The following NUP210 variants were observed in gnomAD, a reference collection of about 807,000 sequenced individuals.
The protein encoded by NUP210 is nucleoporin 210, also known as nuclear pore membrane glycoprotein 210.
NUP210 carries 151 observed loss-of-function variants against 196.0 expected under a neutral mutation model. The ratio of observed to expected loss-of-function variants is 0.77; its 90% CI spans 0.67 to 0.88. The LOEUF is 0.88. Among genes scored for constraint, NUP210 ranks in the 40% least tolerant of loss-of-function variants. The pLI, the probability that NUP210 is intolerant of heterozygous loss-of-function variation, is 0.00. For missense variants in NUP210, 2,314 were observed against 2,493.7 expected (o/e 0.93, Z 1.53); for synonymous variants, 1,070 against 1,052.7 (o/e 1.02, Z -0.32).
At chr3:13,371,102 T>C (rs1424277459) in intron 13 of NUP210, among the ~76,000 whole-genome samples, 5 of 152,254 alleles carry the variant, frequency 3.3e-5, no homozygotes, top group African/African-American at 1.2e-4. Context: ...TCACCTGTCC[T>C]TTGGTCTTCT....
chr3:13,331,479 C>T (rs1488147589), intron 29 of NUP210, among the ~76,000 whole-genome samples: 3 of 152,162 alleles, frequency 2.0e-5, no homozygotes, highest in Non-Finnish European at 4.4e-5. Flanking sequence ...TCAAGAACTG[C>T]AGCCCGAGCA....
chr3:13,371,400 C>T (rs572203324), intron 13 of NUP210, among the ~76,000 whole-genome samples: 1 of 152,340 alleles, frequency 6.6e-6, no homozygotes, highest in East Asian at 1.9e-4. Flanking sequence ...TAAACTATCA[C>T]AGTCAGACTC....
chr3:13,333,506 CTG>C (rs1697084781), intron 28 of NUP210, among the ~76,000 whole-genome samples: 1 of 152,244 alleles, frequency 6.6e-6, no homozygotes, highest in Non-Finnish European at 1.5e-5. Context: ...CCCAGCTCCT[CTG>C]TGCTCTGTCC....
chr3:13,336,092 G>C (rs1009642908), intron 27 of NUP210, among the ~76,000 whole-genome samples: 8 of 152,236 alleles, frequency 5.3e-5, no homozygotes, highest in African/African-American at 1.9e-4. Flanking sequence ...GGTGGGGTCG[G>C]GGGGCATTCG....
intron 6 of NUP210, among the ~76,000 whole-genome samples, chr3:13,380,710 A>G (rs1576402122): frequency 6.6e-6 from 1 of 152,222 alleles, no homozygotes. Context: ...CCCTCCTCTC[A>G]GGCCAGCTCA....
intron 1 of NUP210, among the ~76,000 whole-genome samples, chr3:13,406,872 G>A (rs1431672602): frequency 2.1e-5 from 3 of 144,940 alleles, no homozygotes; most frequent in Non-Finnish European, 3.0e-5. Flanking sequence ...CACATGGCAG[G>A]TTTCATAGTC....
chr3:13,369,790 TGA>T (rs1338222106), intron 13 of NUP210, among the ~76,000 whole-genome samples: 3 of 152,202 alleles, frequency 2.0e-5, no homozygotes, highest in South Asian at 2.1e-4. Context: ...AGCACCGTGT[TGA>T]GAGAGTTACA....
chr3:13,379,705 G>C lies in NUP210; in HGVS notation c.834C>G (p.Ser278=). The change falls in exon 7 of 40, where the codon TCC becomes TCG. Residue 278 remains serine, a synonymous_variant. Transcript: ENST00000254508. The surrounding 1 kb of genome is among the most constrained non-coding windows in gnomAD (Gnocchi z 4.2). The stretch of plus-strand genomic sequence containing the variant: ...TCTGAAGCTGCAACTCGTACTGATC[G>C]GAAGGCATGGAGAGTTCTGGCCACC... ...QGKITELSMP[S]DQYELQLQNS... 6.3e-7 allele frequency: 1 copy of C among 1,599,002 alleles called. No homozygotes were observed. Among genetic ancestry groups the C allele is most frequent in the Non-Finnish European group, 8.5e-7 (1 of 1,171,998 alleles).
intron 11 of NUP210, 38 bp downstream of exon 11, chr3:13,375,466 C>T (rs200375970): frequency 1.9e-6 from 3 of 1,586,212 alleles, no homozygotes; most frequent in Non-Finnish European, 2.6e-6. Context: ...CATGAAAACA[C>T]CAAAGGAATG....
At position 13,358,384 on chromosome 3, in the gene NUP210, C is replaced by G; in HGVS notation, c.2166G>C (p.Leu722=). ...TGAGGCTGGGCTTGTTCCCCACCGA[C>G]AGGGCGATGACCTGGTAGGGCACAG... ...CQALGEQVIA[L]SVGNKPSLTN... is the part of the protein sequence containing the mutation. The change falls in exon 16 of 40, where the codon CTG becomes CTC. Residue 722 remains leucine, a synonymous_variant. Coordinates refer to ENST00000254508, the MANE Select transcript of NUP210 (RefSeq NM_024923.4). The G allele has an allele frequency of 6.2e-7, 1 of 1,610,996 alleles. No individual in the cohort carries two copies. The highest frequency in any genetic ancestry group is 1.1e-5 in the South Asian group (1 of 90,728).
intron 5 of NUP210, among the ~76,000 whole-genome samples, chr3:13,387,794 A>G (rs1198158140): frequency 6.6e-6 from 1 of 152,126 alleles, no homozygotes; most frequent in Non-Finnish European, 1.5e-5. Flanking sequence ...TACCCTAAGA[A>G]TGGGATGCTG....
In NUP210 at chr3:13,375,493, G is replaced by A. The variant is rs756624135; in HGVS notation, c.1431+11C>T. The A allele has an allele frequency of 6.2e-7, 1 of 1,610,548 alleles. No homozygotes were observed. Among genetic ancestry groups the A allele is most frequent in the Non-Finnish European group, 8.5e-7 (1 of 1,177,644 alleles). On this transcript the variant is annotated intron_variant, in intron 11 of 39. Coordinates refer to ENST00000254508, the MANE Select transcript of NUP210 (RefSeq NM_024923.4). ...AAAGGAATGCACGCAGAGGTGAGGG[G>A]TCTCACGTACCCTTATTGTGTACTG...
intron 8 of NUP210, among the ~76,000 whole-genome samples, chr3:13,378,366 A>G (rs1438474679): frequency 6.6e-6 from 1 of 152,194 alleles, no homozygotes. Flanking sequence ...ACAGGATACC[A>G]CAGCACTCTT....
At chr3:13,397,195 C>G (rs1203990019) in intron 3 of NUP210, among the ~76,000 whole-genome samples, 162 bp downstream of exon 3, 1 of 152,148 alleles carries the variant, frequency 6.6e-6, no homozygotes, top group African/African-American at 2.4e-5. Context: ...GCCTCTTCAG[C>G]ATCTCCCCCA....
In NUP210 at chr3:13,388,323, T is replaced by C. The variant is rs573887922; in HGVS notation, c.664A>G (p.Ile222Val). 9 of 1,609,764 alleles carry C rather than the reference T, an allele frequency of 5.6e-6. No individual in the cohort carries two copies. The South Asian group carries it at 8.9e-5, about 16-fold the overall frequency. Residue 222 changes from isoleucine (I) to valine (V), a missense_variant, in exon 5 of 40, where the codon ATC becomes GTC. Coordinates refer to ENST00000254508, the MANE Select transcript of NUP210 (RefSeq NM_024923.4). ...CCCACCTTGTAGACAGCCTCCTGGA[T>C]GCGAGCCTTGAGCTTGGAGCTCCCG... The part of the protein sequence containing the change: ...KTGSSKLKAR[I>V]QEAVYKNVRP...
chr3:13,365,480 T>C (rs1698497985), intron 14 of NUP210, among the ~76,000 whole-genome samples: 1 of 152,192 alleles, frequency 6.6e-6, no homozygotes, highest in Non-Finnish European at 1.5e-5. Flanking sequence ...GGATGCACAC[T>C]AGGCCAGGGC....
intron 16 of NUP210, among the ~76,000 whole-genome samples, chr3:13,354,883 G>A (rs191614659): frequency 2.1e-4 from 32 of 152,336 alleles, no homozygotes; most frequent in African/African-American, 6.3e-4. Context: ...GTGATCTCTC[G>A]CTCCCCGAGC....
Position 13,325,855 on chromosome 3 carries a change from C to T in NUP210, c.4584G>A (p.Arg1528=). 1 of 1,614,010 alleles carries T rather than the reference C, an allele frequency of 6.2e-7. No individual in the cohort carries two copies. The highest frequency in any genetic ancestry group is 8.5e-7 in the Non-Finnish European group (1 of 1,180,030). Residue 1528 remains arginine (R), a synonymous_variant, in exon 33 of 40, where the codon CGG becomes CGA. Coordinates refer to ENST00000254508, the MANE Select transcript of NUP210 (RefSeq NM_024923.4). The stretch of plus-strand genomic sequence containing the variant: ...AGTAAACCGTCACGGATCCCACGGC[C>T]CGGGCCACAGCCACACCCGTCTTGG... ...IDPKTGVAVA[R]AVGSVTVYYE...
At chr3:13,334,119 C>T (rs1312848778) in intron 28 of NUP210, among the ~76,000 whole-genome samples, 1 of 152,182 alleles carries the variant, frequency 6.6e-6, no homozygotes, top group African/African-American at 2.4e-5. Flanking sequence ...CAAGCTGTCT[C>T]AAAGGCCTGA....
Sources: gnomAD v4.1 joint callset for allele counts (sites outside exome capture counted in the v4.1 genomes callset) on GRCh38, gnomAD v4.1.1 for gene constraint, Gnocchi (gnomAD v3.1) non-coding constraint, MANE v1.5 for transcripts, NCBI Gene and HGNC (gene_info 2026-07-23, HGNC 2026-07-21) for gene names.